CTBP2: variants seen among roughly 807,000 people sequenced by gnomAD.
CTBP2 encodes C-terminal-binding protein 2.
CTBP2 carries 30 observed loss-of-function variants against 80.3 expected under a neutral mutation model. The ratio of observed to expected loss-of-function variants is 0.37; its 90% confidence interval spans 0.28 to 0.51. The LOEUF (loss-of-function observed/expected upper bound fraction) is 0.51. Among genes scored for constraint, CTBP2 ranks in the 20% least tolerant of loss-of-function variants. The pLI, the probability that CTBP2 is intolerant of heterozygous loss-of-function variation, is 0.93. For synonymous variants in CTBP2, 594 were observed against 587.4 expected (o/e 1.01, Z -0.16); for missense variants, 1,212 against 1,375.3 (o/e 0.88, Z 1.88).
chr10:124,995,545 G>A (rs577002132), intron 4 of CTBP2, among the ~76,000 whole-genome samples: 47 of 152,196 alleles, frequency 3.1e-4, no homozygotes, highest in Non-Finnish European at 6.2e-4. Context: ...ACAAAGATGC[G>A]CATTTCCGAG....
chr10:125,148,441 G>A (rs556742484), intron 1 of CTBP2, among the ~76,000 whole-genome samples: 1 of 152,288 alleles, frequency 6.6e-6, no homozygotes, highest in Admixed American at 6.5e-5. Context: ...CACCTTGCCC[G>A]CTGCTCTAGA....
chr10:125,063,463 C>T (rs1844140045), intron 2 of CTBP2, among the ~76,000 whole-genome samples: 1 of 152,210 alleles, frequency 6.6e-6, no homozygotes, highest in East Asian at 1.9e-4. Context: ...AACACCCAAA[C>T]ACGTCGACTC....
At chr10:125,035,093 A>G (rs984676984) in intron 3 of CTBP2, among the ~76,000 whole-genome samples, 1 of 152,164 alleles carries the variant, frequency 6.6e-6, no homozygotes, top group African/African-American at 2.4e-5. Flanking sequence ...GACACAGAAG[A>G]GACCCACTGG....
chr10:125,059,597 G>A (rs544595962), intron 2 of CTBP2, among the ~76,000 whole-genome samples: 1 of 152,006 alleles, frequency 6.6e-6, no homozygotes, highest in Admixed American at 6.6e-5. Flanking sequence ...CAGACCCAAG[G>A]CTTGTCACCA....
intron 1 of CTBP2, chr10:125,005,723 G>A: frequency 1.2e-6 from 2 of 1,612,936 alleles, no homozygotes; most frequent in Non-Finnish European, 1.7e-6. Context: ...AATTCCACAA[G>A]ATTCCTTCTG....
chr10:125,099,276 C>T lies in CTBP2; in HGVS notation c.-102+11714G>A, dbSNP rs563974903. ...CAATTTATAGGAATAAAGGTAAATA[C>T]CTCAACCTTGTAAGGCTGTGCCACA... On this transcript the variant is annotated intron_variant, in intron 2 of 10. Transcript: ENST00000337195. 4.6e-5 allele frequency among the ~76,000 whole-genome samples: 7 copies of T among 152,334 alleles called. No homozygotes were observed. In the South Asian group the frequency reaches 1.4e-3, roughly 32 times the overall value.
intron 2 of CTBP2, among the ~76,000 whole-genome samples, chr10:125,061,766 C>G (rs1300112087): frequency 2.6e-5 from 4 of 152,160 alleles, no homozygotes; most frequent in Non-Finnish European, 5.9e-5. Context: ...GAGGTGCCAC[C>G]TCCTCACGGT....
Position 124,987,671 on chromosome 10 carries a change from T to C in CTBP2, c.*1847A>G, listed in dbSNP as rs1004172544. On this transcript the variant is annotated 3_prime_UTR_variant, in exon 9 of 9. Coordinates refer to ENST00000309035, the MANE Select transcript of CTBP2 (RefSeq NM_022802.3). Reference sequence around the variant, plus strand: ...GAGCTTGTGTTAATAGACACTTTTATGGTAGAGTTGGGATGGGGCCACCAC... The same window carrying C: ...GAGCTTGTGTTAATAGACACTTTTACGGTAGAGTTGGGATGGGGCCACCAC... 9 of 152,164 alleles carry C rather than the reference T, an allele frequency of 5.9e-5. No individual in the cohort carries two copies. The highest frequency in any genetic ancestry group is 1.9e-4 in the African/African-American group (8 of 41,440). The allele number at this position is 152,164 out of a possible 1,614,324, so 9.4% of individuals were successfully genotyped here.
chr10:125,027,533 T>G lies in CTBP2; in HGVS notation c.227A>C (p.Tyr76Ser). ...CCCCTTTCTTGCAGCCACTGAGTTA[T>G]AAACGGCCTCCCGGTACAGGTAGGG... is the stretch of plus-strand genomic sequence containing the variant. Residue 76 changes from tyrosine to serine, a missense_variant, in exon 1 of 9, where the codon TAT becomes TCT. Physicochemically the swap from Tyr to Ser is moderately radical, Grantham distance 144. Coordinates refer to ENST00000309035, the MANE Select transcript of CTBP2 (RefSeq NM_022802.3). 1 of 1,614,072 alleles carries G rather than the reference T, an allele frequency of 6.2e-7. No homozygotes were observed. The highest frequency in any genetic ancestry group is 1.1e-5 in the South Asian group (1 of 91,078).
intron 1 of CTBP2, among the ~76,000 whole-genome samples, chr10:125,114,400 A>G (rs7899422): frequency 0.13 from 19,563 of 151,624 alleles, 2,061 homozygotes; most frequent in African/African-American, 0.28. Flanking sequence ...AGAGAACCGC[A>G]GCACCCAGAG....
At chr10:125,112,402 C>G (rs1322493660) in intron 1 of CTBP2, among the ~76,000 whole-genome samples, 1 of 148,986 alleles carries the variant, frequency 6.7e-6, no homozygotes, top group Non-Finnish European at 1.5e-5. Context: ...CGTGAGCCAC[C>G]GCGCCCAGCC....
At chr10:125,004,159 G>A (rs1006933923) in intron 1 of CTBP2, among the ~76,000 whole-genome samples, 19 of 152,224 alleles carry the variant, frequency 1.2e-4, no homozygotes, top group Non-Finnish European at 1.5e-5. Context: ...AGGGGCAGGG[G>A]TGACCCCAGG....
At chr10:125,144,707 G>A (rs183881504) in intron 1 of CTBP2, among the ~76,000 whole-genome samples, 255 of 152,260 alleles carry the variant, frequency 1.7e-3, no homozygotes, top group Middle Eastern at 6.8e-3. Flanking sequence ...ACCTTTTGCT[G>A]ATCCATGTTC....
intron 3 of CTBP2, among the ~76,000 whole-genome samples, chr10:125,033,647 C>T (rs1958509726): frequency 6.6e-6 from 1 of 152,200 alleles, no homozygotes; most frequent in South Asian, 2.1e-4. Flanking sequence ...GGGCCTCCTC[C>T]AAACACGGAG....
chr10:125,044,448 C>CAG (rs10633091), intron 2 of CTBP2, among the ~76,000 whole-genome samples: 68,627 of 152,032 alleles, frequency 0.45, 15,728 homozygotes, highest in South Asian at 0.53. Context: ...CCGGAGTTAA[C>CAG]AGCCACATGT....
At chr10:125,060,673 G>A (rs1292744142) in intron 2 of CTBP2, among the ~76,000 whole-genome samples, 1 of 152,248 alleles carries the variant, frequency 6.6e-6, no homozygotes, top group African/African-American at 2.4e-5. Flanking sequence ...GAGGGATTGG[G>A]TGTATTCTGC....
intron 3 of CTBP2, among the ~76,000 whole-genome samples, chr10:125,036,032 T>A (rs1318419704): frequency 6.6e-6 from 1 of 152,206 alleles, no homozygotes; most frequent in Non-Finnish European, 1.5e-5. Flanking sequence ...GGCTTTTACA[T>A]TGGCTAGAAA....
chr10:125,045,756 C>T (rs749311338), intron 2 of CTBP2, among the ~76,000 whole-genome samples: 3 of 152,196 alleles, frequency 2.0e-5, no homozygotes, highest in Non-Finnish European at 2.9e-5. Flanking sequence ...TCCCAAAGTG[C>T]TGGGATTACA....
intron 2 of CTBP2, among the ~76,000 whole-genome samples, chr10:125,045,257 T>G (rs1960937117): frequency 6.6e-6 from 1 of 152,170 alleles, no homozygotes; most frequent in Non-Finnish European, 1.5e-5. Flanking sequence ...ATCATTAGTT[T>G]TACATTTCCT....
Sources: gnomAD v4.1 joint callset for allele counts (sites outside exome capture counted in the v4.1 genomes callset) on GRCh38, gnomAD v4.1.1 for gene constraint, MANE v1.5 for transcripts, NCBI Gene and HGNC (gene_info 2026-07-23, HGNC 2026-07-21) for gene names.